ANKRD26: variants seen among roughly 807,000 people sequenced by gnomAD.
The protein encoded by ANKRD26 is ankyrin repeat domain 26.
ANKRD26 carries 141 observed loss-of-function variants against 208.7 expected under a neutral mutation model. The ratio of observed to expected loss-of-function variants is 0.68; its 90% CI spans 0.59 to 0.78. ANKRD26 has a LOEUF of 0.78. Ranked by LOEUF, ANKRD26 falls within the 30% of genes least tolerant of loss-of-function variation. The pLI is 0.00. For synonymous variants in ANKRD26, 636 were observed against 660.4 expected (o/e 0.96, Z 0.57); for missense variants, 1,889 against 1,938.7 (o/e 0.97, Z 0.48).
At chr10:27,067,414 G>A (rs1341410773) in intron 9 of ANKRD26, 128 bp from the exon 10 acceptor site, 5 of 1,137,436 alleles carry the variant, frequency 4.4e-6, no homozygotes, top group Non-Finnish European at 6.1e-6. Context: ...TCCAAGATGG[G>A]GGCATAGTTT....
intron 20 of ANKRD26, among the ~76,000 whole-genome samples, chr10:27,040,900 G>A (rs2135254856): frequency 6.6e-6 from 1 of 152,088 alleles, no homozygotes; most frequent in East Asian, 1.9e-4. Context: ...CGTGGTGGCA[G>A]GCACCTGTAA....
intron 25 of ANKRD26, among the ~76,000 whole-genome samples, chr10:27,032,687 C>A (rs2053911502): frequency 6.6e-6 from 1 of 150,870 alleles, no homozygotes; most frequent in East Asian, 2.0e-4. Flanking sequence ...TGCTGGCACA[C>A]ACCTATAATG....
intron 6 of ANKRD26, among the ~76,000 whole-genome samples, chr10:27,082,392 C>T (rs1379498272): frequency 2.6e-5 from 4 of 152,224 alleles, no homozygotes; most frequent in African/African-American, 9.6e-5. Flanking sequence ...AATTATCAAG[C>T]ATATTAGGAC....
intron 1 of ANKRD26, among the ~76,000 whole-genome samples, chr10:27,095,348 A>G (rs1451729578): frequency 6.6e-6 from 1 of 152,160 alleles, no homozygotes; most frequent in Non-Finnish European, 1.5e-5. Flanking sequence ...ATTTCTTATA[A>G]TTTTCTACCT....
At position 27,066,557 on chromosome 10, in the gene ANKRD26, T is replaced by C; in HGVS notation, c.1208-9A>G. 2 of 1,572,290 alleles carry C rather than the reference T, an allele frequency of 1.3e-6. No individual in the cohort carries two copies. Among genetic ancestry groups the C allele is most frequent in the Non-Finnish European group, 1.7e-6 (2 of 1,147,908 alleles). Reference sequence around the variant, plus strand: ...TAATGCGGACATCATATCTATCAAATGTGATACACAGATATATTCATGAGA... The same window carrying C: ...TAATGCGGACATCATATCTATCAAACGTGATACACAGATATATTCATGAGA... On this transcript the variant is annotated splice_polypyrimidine_tract_variant and intron_variant, in intron 10 of 33. Transcript: ENST00000376087.
chr10:27,083,812 G>A (rs1333107155), intron 5 of ANKRD26, among the ~76,000 whole-genome samples: 1 of 152,168 alleles, frequency 6.6e-6, no homozygotes, highest in East Asian at 1.9e-4. Context: ...CCAGCCATAC[G>A]GTTTTGTAAA....
intron 24 of ANKRD26, among the ~76,000 whole-genome samples, 165 bp downstream of exon 24, chr10:27,034,626 CAAAGT>C (rs1396024020): frequency 1.3e-5 from 2 of 152,116 alleles, no homozygotes; most frequent in Non-Finnish European, 2.9e-5. Context: ...TATCTTTACT[CAAAGT>C]AAAGCATCTC....
chr10:27,081,092 G>T (rs1007765127), intron 6 of ANKRD26: 28 of 311,914 alleles, frequency 9.0e-5, no homozygotes, highest in Admixed American at 1.3e-4. Context: ...CTTCCCAGTG[G>T]CTCAAATTAT....
chr10:26,970,525 T>C (rs2052128116), downstream of ANKRD26, among the ~76,000 whole-genome samples: 1 of 152,140 alleles, frequency 6.6e-6, no homozygotes, highest in Non-Finnish European at 1.5e-5. Context: ...TCCACTATGA[T>C]TGGAAGCTTC....
intron 15 of ANKRD26, 126 bp downstream of exon 15, chr10:27,060,219 T>G (rs920685770): frequency 1.0e-5 from 10 of 959,272 alleles, no homozygotes; most frequent in Non-Finnish European, 1.4e-5. Flanking sequence ...AAAAAAATTT[T>G]TTTAAATCCT....
At chr10:26,990,591 A>G (rs1253925198), downstream of ANKRD26, among the ~76,000 whole-genome samples, 13 of 152,106 alleles carry the variant, frequency 8.5e-5, no homozygotes, top group Admixed American at 8.5e-4. Context: ...TGTTCTTATA[A>G]GGGGGAAACC....
chr10:27,034,221 C>T (rs1441105543), intron 24 of ANKRD26, among the ~76,000 whole-genome samples: 1 of 152,036 alleles, frequency 6.6e-6, no homozygotes, highest in African/African-American at 2.4e-5. Context: ...GAGATCATAA[C>T]AATATGTAAT....
intron 4 of ANKRD26, among the ~76,000 whole-genome samples, chr10:26,981,835 GT>G (rs1196506616): frequency 1.3e-5 from 2 of 152,150 alleles, no homozygotes; most frequent in Non-Finnish European, 2.9e-5. Context: ...CCCTGAACTA[GT>G]TTGGTCCACT....
intron 18 of ANKRD26, chr10:27,046,124 G>T (rs1416348657): frequency 5.9e-6 from 3 of 505,716 alleles, no homozygotes; most frequent in Non-Finnish European, 1.1e-5. Flanking sequence ...TTGCCTCTCA[G>T]TCCAAGTTCT....
the ANKRD26 span, among the ~76,000 whole-genome samples, chr10:26,949,524 T>A: frequency 1.3e-5 from 2 of 152,174 alleles, no homozygotes; most frequent in Non-Finnish European, 2.9e-5. Context: ...TATTTATTTT[T>A]GACCAGTGTC....
chr10:27,017,421 G>T, intron 30 of ANKRD26, 81 bp downstream of exon 30: 1 of 1,448,594 alleles, frequency 6.9e-7, no homozygotes, highest in Non-Finnish European at 9.7e-7. Flanking sequence ...TATAAGGGAT[G>T]TAGAGGAAAC....
intron 9 of ANKRD26, among the ~76,000 whole-genome samples, chr10:27,068,825 CA>C (rs1330317031): frequency 6.8e-6 from 1 of 147,924 alleles, no homozygotes; most frequent in African/African-American, 2.5e-5. Flanking sequence ...AATTACAGGT[CA>C]GAAAGTGAAC....
intron 6 of ANKRD26, chr10:27,080,033 T>C (rs1250122225): frequency 2.5e-6 from 1 of 400,500 alleles, no homozygotes; most frequent in East Asian, 1.0e-4. Context: ...GGTGTGTACC[T>C]GTGGTCCCAG....
intron 6 of ANKRD26, chr10:27,079,986 T>C (rs941040056): frequency 6.9e-6 from 2 of 290,452 alleles, no homozygotes; most frequent in Non-Finnish European, 1.4e-5. Context: ...TGAAACTCTG[T>C]CTCTACTAAA....
Sources: gnomAD v4.1 joint callset for allele counts (sites outside exome capture counted in the v4.1 genomes callset) on GRCh38, gnomAD v4.1.1 for gene constraint, MANE v1.5 for transcripts, NCBI Gene and HGNC (gene_info 2026-07-23, HGNC 2026-07-21) for gene names.